The following CDH20 variants were observed in gnomAD, a reference collection of about 807,000 sequenced individuals.
CDH20 encodes cadherin-20.
Under a neutral mutation model 74.2 loss-of-function variants are expected in CDH20, and 29 were observed. That is an observed-to-expected ratio of 0.39 (90% CI 0.29 to 0.53). The LOEUF (loss-of-function observed/expected upper bound fraction) is 0.53, where lower values mean the gene tolerates loss of function less well. Ranked by LOEUF, CDH20 falls within the 20% of genes least tolerant of loss-of-function variation. The probability of loss-of-function intolerance (pLI) is 0.69; values close to 1 mark genes in which losing one functional copy is unlikely to be tolerated. For synonymous variants in CDH20, 469 were observed against 405.4 expected (o/e 1.16, Z -1.88); for missense variants, 988 against 1,048.3 (o/e 0.94, Z 0.79).
rs377221322 is a variant in CDH20 at position 61,554,584 on chromosome 18, G to T, written c.2295G>T (p.Ser765=). 6 of 1,608,898 alleles carry T rather than the reference G, an allele frequency of 3.7e-6. No individual in the cohort carries two copies. Among genetic ancestry groups the T allele is most frequent in the Non-Finnish European group, 4.2e-6 (5 of 1,178,264 alleles). Residue 765 remains serine, a synonymous_variant, in exon 12 of 12, where the codon TCG becomes TCT. Transcript: ENST00000262717. The part of the protein sequence containing the change: ...SVAGSLSSLQ[S]ATSDSEQSFD... ...CGGGGTCGCTGAGCTCCCTGCAGTC[G>T]GCCACGTCGGACTCGGAACAGAGCT...
chr18:61,458,547 CT>C (rs1568147378), intron 1 of CDH20, among the ~76,000 whole-genome samples: 1 of 152,146 alleles, frequency 6.6e-6, no homozygotes, highest in Non-Finnish European at 1.5e-5. Context: ...CCACAAACCC[CT>C]TTGATTCTGT....
chr18:61,411,396 A>G (rs922970956), intron 1 of CDH20, among the ~76,000 whole-genome samples: 1 of 152,152 alleles, frequency 6.6e-6, no homozygotes, highest in African/African-American at 2.4e-5. Flanking sequence ...CAGCAATCCC[A>G]CTACTGGGTA....
intron 6 of CDH20, among the ~76,000 whole-genome samples, chr18:61,526,988 C>T (rs1397741634): frequency 6.6e-6 from 1 of 152,082 alleles, no homozygotes; most frequent in East Asian, 1.9e-4. Context: ...CAAGACCAGC[C>T]TGACCAACAT....
At chr18:61,453,486 G>T (rs887054837) in intron 1 of CDH20, among the ~76,000 whole-genome samples, 7 of 152,060 alleles carry the variant, frequency 4.6e-5, no homozygotes, top group Non-Finnish European at 1.0e-4. Context: ...TCACCATGTT[G>T]ACCAGGCTGG....
chr18:61,407,532 T>C (rs575522614), intron 1 of CDH20, among the ~76,000 whole-genome samples: 1 of 152,204 alleles, frequency 6.6e-6, no homozygotes, highest in African/African-American at 2.4e-5. Context: ...AGGGACCAAA[T>C]TACGCAGGAT....
chr18:61,369,807 C>T (rs961111383), intron 1 of CDH20, among the ~76,000 whole-genome samples: 12 of 152,012 alleles, frequency 7.9e-5, no homozygotes, highest in Non-Finnish European at 1.6e-4. Flanking sequence ...CAAACGAATG[C>T]AGGAACAGAA....
chr18:61,359,085 TCTA>T (rs1386468290), intron 1 of CDH20, among the ~76,000 whole-genome samples: 32 of 152,188 alleles, frequency 2.1e-4, no homozygotes, highest in Non-Finnish European at 4.4e-5. Flanking sequence ...ATTTTCACAT[TCTA>T]CTATCAGACA....
At chr18:61,441,793 G>T (rs756101317) in intron 1 of CDH20, among the ~76,000 whole-genome samples, 21 of 152,102 alleles carry the variant, frequency 1.4e-4, no homozygotes, top group Non-Finnish European at 2.6e-4. Flanking sequence ...AGAAGTATAT[G>T]ATCTAGTTTA....
chr18:61,474,632 TTTTTA>T (rs1910303321), intron 1 of CDH20, among the ~76,000 whole-genome samples: 2 of 152,222 alleles, frequency 1.3e-5, no homozygotes, highest in Admixed American at 1.3e-4. Context: ...CGTTGTTCAC[TTTTTA>T]TTTAAATAAT....
chr18:61,524,845 C>T (rs1333455327), intron 6 of CDH20, among the ~76,000 whole-genome samples: 2 of 151,910 alleles, frequency 1.3e-5, no homozygotes, highest in South Asian at 2.1e-4. Flanking sequence ...CGCCTGAACC[C>T]GGGAGGCAGA....
intron 1 of CDH20, among the ~76,000 whole-genome samples, chr18:61,479,244 G>A (rs78958870): frequency 0.061 from 9,333 of 151,898 alleles, 374 homozygotes; most frequent in Non-Finnish European, 0.084. Context: ...GGCTCTGAAA[G>A]ACTTATAATA....
intron 1 of CDH20, among the ~76,000 whole-genome samples, chr18:61,375,853 C>T (rs1911207864): frequency 6.6e-6 from 1 of 152,046 alleles, no homozygotes; most frequent in African/African-American, 2.4e-5. Context: ...CTTACATTTT[C>T]CAGGGCTTAT....
At chr18:61,385,288 C>T (rs546741159) in intron 1 of CDH20, among the ~76,000 whole-genome samples, 6 of 151,792 alleles carry the variant, frequency 4.0e-5, no homozygotes, top group South Asian at 2.1e-4. Context: ...CTCTTGTTAA[C>T]GCAATAAGAC....
chr18:61,477,910 G>A (rs942105132), intron 1 of CDH20, among the ~76,000 whole-genome samples: 1 of 152,024 alleles, frequency 6.6e-6, no homozygotes, highest in African/African-American at 2.4e-5. Context: ...AAAGTAAAAT[G>A]TTTTTTGAGG....
intron 1 of CDH20, among the ~76,000 whole-genome samples, chr18:61,375,810 G>A (rs1034749057): frequency 3.3e-5 from 5 of 151,958 alleles, no homozygotes; most frequent in African/African-American, 9.7e-5. Flanking sequence ...TCAGGAACCA[G>A]AACAACCATT....
At chr18:61,521,681 A>C (rs1912212282) in intron 6 of CDH20, among the ~76,000 whole-genome samples, 1 of 151,368 alleles carries the variant, frequency 6.6e-6, no homozygotes. Flanking sequence ...TCAATAACAT[A>C]CTGGCAAACT....
chr18:61,517,174 C>T (rs935523689), intron 6 of CDH20, among the ~76,000 whole-genome samples: 1 of 152,150 alleles, frequency 6.6e-6, no homozygotes, highest in African/African-American at 2.4e-5. Context: ...AGGAGAAAAT[C>T]CTTGCAATCC....
In CDH20 at chr18:61,430,205, C is replaced by T. The variant is rs565253061; in HGVS notation, c.-152-60197C>T. On this transcript the variant is annotated intron_variant, in intron 1 of 11. Coordinates refer to ENST00000262717, the MANE Select transcript of CDH20 (RefSeq NM_031891.4). ...CGTAAATCTCACAGTATCTGGATTA[C>T]ACAGTATCTAGATTATAAACTCTCT... Among the ~76,000 whole-genome samples the T allele has an allele frequency of 2.6e-5, 4 of 152,166 alleles. No individual in the cohort carries two copies. The Middle Eastern group carries it at 0.014, about 521-fold the overall frequency.
intron 9 of CDH20, among the ~76,000 whole-genome samples, chr18:61,542,131 A>G (rs1913063834): frequency 1.3e-5 from 2 of 152,226 alleles, no homozygotes; most frequent in African/African-American, 4.8e-5. Flanking sequence ...CCTATGTGTA[A>G]CATGCCTCAA....
Sources: allele counts gnomAD v4.1 joint callset (sites outside exome capture counted in the v4.1 genomes callset), GRCh38; gene constraint gnomAD v4.1.1; transcripts MANE v1.5; gene names NCBI Gene and HGNC (gene_info 2026-07-23, HGNC 2026-07-21).